Variants in TAFA5 observed in about 807,000 individuals in gnomAD.
TAFA5 encodes the protein TAFA chemokine like family member 5, also known as chemokine-like protein TAFA-5.
A neutral mutation model predicts 15.3 loss-of-function variants in TAFA5; 6 were observed. The ratio of observed to expected loss-of-function variants is 0.39; its 90% confidence interval spans 0.21 to 0.77. The LOEUF (loss-of-function observed/expected upper bound fraction) is 0.77. Ranked by LOEUF, TAFA5 falls within the 30% of genes least tolerant of loss-of-function variation. The pLI, the probability that TAFA5 is intolerant of heterozygous loss-of-function variation, is 0.41. For missense variants in TAFA5, 161 were observed against 193.1 expected (o/e 0.83, Z 0.98); for synonymous variants, 103 against 80.7 (o/e 1.28, Z -1.48).
chr22:48,547,777 C>T (rs1377762543), intron 1 of TAFA5, among the ~76,000 whole-genome samples: 1 of 152,190 alleles, frequency 6.6e-6, no homozygotes, highest in African/African-American at 2.4e-5. Context: ...GTCCGAGACT[C>T]TGGGGTGGGT....
chr22:48,719,147 C>T (rs1929492167), intron 3 of TAFA5, among the ~76,000 whole-genome samples: 1 of 152,222 alleles, frequency 6.6e-6, no homozygotes, highest in South Asian at 2.1e-4. Flanking sequence ...ATTCCTCTCG[C>T]CAGGGGCCCT....
At chr22:48,670,953 G>A (rs1386077289) in intron 2 of TAFA5, among the ~76,000 whole-genome samples, 1 of 152,202 alleles carries the variant, frequency 6.6e-6, no homozygotes, top group African/African-American at 2.4e-5. Context: ...ACCTTGTTAA[G>A]TCAAACTGCC....
At chr22:48,715,518 T>G (rs980508822) in intron 3 of TAFA5, among the ~76,000 whole-genome samples, 4 of 152,228 alleles carry the variant, frequency 2.6e-5, no homozygotes, top group Non-Finnish European at 5.9e-5. Context: ...ATCTTCCTCC[T>G]CTTGGGTGCT....
intron 1 of TAFA5, among the ~76,000 whole-genome samples, chr22:48,527,711 C>T (rs1181002135): frequency 6.6e-6 from 1 of 152,218 alleles, no homozygotes; most frequent in African/African-American, 2.4e-5. Context: ...GGATCCGGGG[C>T]TCTGTGGGCC....
At chr22:48,596,885 T>C (rs1387522240) in intron 1 of TAFA5, among the ~76,000 whole-genome samples, 1 of 152,222 alleles carries the variant, frequency 6.6e-6, no homozygotes, top group African/African-American at 2.4e-5. Context: ...CTCAGCTCAC[T>C]GCAGCCTTCA....
rs916511480 is a variant in TAFA5 at position 48,742,498 on chromosome 22, G to A, written c.391-7341G>A. ...GGCGGCGCAGTGGAGCGGGCGTTGT[G>A]GTGGACCCGGTGGCGTGGCAGACCA... On this transcript the variant is annotated intron_variant, in intron 3 of 3. Coordinates refer to ENST00000402357, the MANE Select transcript of TAFA5 (RefSeq NM_001082967.3). This position sits in a 1 kb window ranked among gnomAD's most constrained non-coding sequence, Gnocchi z 6.2. Among the ~76,000 whole-genome samples, 1 of 152,182 alleles carries A rather than the reference G, an allele frequency of 6.6e-6. No individual in the cohort carries two copies. Among genetic ancestry groups the A allele is most frequent in the South Asian group, 2.1e-4 (1 of 4,828 alleles).
intron 1 of TAFA5, among the ~76,000 whole-genome samples, chr22:48,534,264 A>C (rs149596415): frequency 1.9e-4 from 29 of 150,846 alleles, no homozygotes; most frequent in Non-Finnish European, 3.4e-4. Context: ...AAGTCAGGTG[A>C]GGTGGATCAG....
At chr22:48,563,731 A>G (rs1443452545) in intron 1 of TAFA5, among the ~76,000 whole-genome samples, 2 of 152,344 alleles carry the variant, frequency 1.3e-5, no homozygotes, top group African/African-American at 2.4e-5. Context: ...TGAGCAGGGT[A>G]TCGGGAGCTC....
At chr22:48,605,940 G>A (rs559740888) in intron 1 of TAFA5, among the ~76,000 whole-genome samples, 107 of 152,306 alleles carry the variant, frequency 7.0e-4, no homozygotes, top group Non-Finnish European at 4.0e-4. Context: ...AGTGAACAGG[G>A]AAGGGCCTGC....
At chr22:48,717,403 G>A (rs738696) in intron 3 of TAFA5, among the ~76,000 whole-genome samples, 9,540 of 152,312 alleles carry the variant, frequency 0.063, 365 homozygotes, top group Admixed American at 0.095. Context: ...CCTGTGCTTC[G>A]GAAGATGAGG....
intron 1 of TAFA5, among the ~76,000 whole-genome samples, chr22:48,586,362 A>T (rs1318148634): frequency 1.3e-5 from 2 of 152,210 alleles, no homozygotes; most frequent in Admixed American, 1.3e-4. Flanking sequence ...ACCTATGCAA[A>T]TAACCTTTGG....
chr22:48,584,763 C>T (rs912650307), intron 1 of TAFA5, among the ~76,000 whole-genome samples: 28 of 150,788 alleles, frequency 1.9e-4, no homozygotes, highest in Admixed American at 1.5e-3. Flanking sequence ...ACACACAACA[C>T]ACCACACACA....
At chr22:48,735,541 T>C (rs913964539) in intron 3 of TAFA5, among the ~76,000 whole-genome samples, 3 of 152,190 alleles carry the variant, frequency 2.0e-5, no homozygotes, top group African/African-American at 7.2e-5. Flanking sequence ...TTTTATCTGA[T>C]CTCCTTTTGA....
intron 2 of TAFA5, among the ~76,000 whole-genome samples, chr22:48,659,933 A>C (rs17823543): frequency 6.6e-6 from 1 of 152,156 alleles, no homozygotes; most frequent in Non-Finnish European, 1.5e-5. Context: ...AGAAAATTTT[A>C]TTTTGATCTT....
intron 1 of TAFA5, among the ~76,000 whole-genome samples, chr22:48,615,196 C>T (rs558020075): frequency 1.6e-4 from 25 of 152,258 alleles, no homozygotes; most frequent in East Asian, 5.8e-4. Flanking sequence ...GAGAGAGCTG[C>T]GTTGGGGAAG....
chr22:48,525,241 G>A (rs1248813532), intron 1 of TAFA5, among the ~76,000 whole-genome samples: 1 of 152,152 alleles, frequency 6.6e-6, no homozygotes, highest in Non-Finnish European at 1.5e-5. Flanking sequence ...GAGCTTCTTT[G>A]GGGACATCCC....
In TAFA5 at chr22:48,535,439, C is replaced by G. The variant is rs140254599; in HGVS notation, c.112+45735C>G. Among the ~76,000 whole-genome samples, 810 of 152,380 alleles carry G rather than the reference C, an allele frequency of 5.3e-3. 4 individuals carry two copies. The highest frequency in any genetic ancestry group is 8.0e-3 in the Non-Finnish European group (543 of 68,040). ...ATATGTCACAGATGAGCATTGAACA[C>G]AAACATGTACACAGTCTGTGTTGCT... On this transcript the variant is annotated intron_variant, in intron 1 of 3. Coordinates refer to ENST00000402357, the MANE Select transcript of TAFA5 (RefSeq NM_001082967.3).
Position 48,552,045 on chromosome 22 carries a change from C to T in TAFA5, c.112+62341C>T, listed in dbSNP as rs550262412. Among the ~76,000 whole-genome samples the T allele has an allele frequency of 6.6e-6, 1 of 152,340 alleles. No homozygotes were observed. The highest frequency in any genetic ancestry group is 2.1e-4 in the South Asian group (1 of 4,818). On this transcript the variant is annotated intron_variant, in intron 1 of 3. Transcript: ENST00000402357. The surrounding 1 kb of genome is among the most constrained non-coding windows in gnomAD (Gnocchi z 4.1). Reference sequence around the variant, plus strand: ...CGTTCAGCTCTGACTGTCCTCCCGGCAGGAAGCGTCCTCCAGTGCTCCCTC... The same window carrying T: ...CGTTCAGCTCTGACTGTCCTCCCGGTAGGAAGCGTCCTCCAGTGCTCCCTC...
chr22:48,565,124 C>T (rs375256757), intron 1 of TAFA5, among the ~76,000 whole-genome samples: 5 of 152,200 alleles, frequency 3.3e-5, no homozygotes, highest in Admixed American at 6.5e-5. Context: ...GCCATGGTCA[C>T]GGCAGGCGGG....
Sources: allele counts gnomAD v4.1 joint callset (sites outside exome capture counted in the v4.1 genomes callset), GRCh38; gene constraint gnomAD v4.1.1; non-coding constraint Gnocchi (gnomAD v3.1); transcripts MANE v1.5; gene names NCBI Gene and HGNC (gene_info 2026-07-23, HGNC 2026-07-21).